Variants in KMT5A observed in about 807,000 individuals in gnomAD.
KMT5A encodes N-lysine methyltransferase KMT5A.
A neutral mutation model predicts 40.6 loss-of-function variants in KMT5A; 6 were observed. The ratio of observed to expected loss-of-function variants is 0.15; its 90% CI spans 0.08 to 0.29. The LOEUF (loss-of-function observed/expected upper bound fraction) is 0.29. Ranked by LOEUF, KMT5A falls within the 10% of genes least tolerant of loss-of-function variation. The probability of loss-of-function intolerance (pLI) is 1.00; values close to 1 mark genes in which losing one functional copy is unlikely to be tolerated. For missense variants in KMT5A, 308 were observed against 459.1 expected, an observed-to-expected ratio of 0.67 and a Z score of 3.01; for synonymous variants, 153 against 178.8, an observed-to-expected ratio of 0.86 and a Z score of 1.15.
At chr12:123,394,912 A>T in intron 3 of KMT5A, 135 bp from the exon 4 acceptor site, 1 of 780,806 alleles carries the variant, frequency 1.3e-6, no homozygotes, top group Non-Finnish European at 2.1e-6. Context: ...CACGGGGCTT[A>T]ACAGGCCAAG....
rs375784702 is a variant in KMT5A at position 123,384,253 on chromosome 12, C to G, written c.10+45C>G. The G allele has an allele frequency of 1.2e-6, 2 of 1,608,578 alleles. No individual in the cohort carries two copies. The highest frequency in any genetic ancestry group is 4.5e-5 in the East Asian group (2 of 44,730). The stretch of plus-strand genomic sequence containing the variant: ...GCACCGGAGCGGCTGGGTCGGGGGT[C>G]GTGCTGGAGGGGTTGCCGGGGTGGA... On this transcript the variant is annotated intron_variant, in intron 1 of 7. Transcript: ENST00000402868. This position sits in a 1 kb window ranked among gnomAD's most constrained non-coding sequence, Gnocchi z 5.7.
At chr12:123,397,201 C>T (rs577589415) in intron 5 of KMT5A, among the ~76,000 whole-genome samples, 8 of 152,368 alleles carry the variant, frequency 5.3e-5, no homozygotes, top group African/African-American at 1.4e-4. Flanking sequence ...TTGAGCTATG[C>T]GGCAGGCAGT....
rs559352696 is a variant in KMT5A at position 123,387,819 on chromosome 12, A to G, written c.11-1614A>G. Among the ~76,000 whole-genome samples, 8 of 152,308 alleles carry G rather than the reference A, an allele frequency of 5.3e-5. No individual in the cohort carries two copies. In the East Asian group the frequency reaches 1.5e-3, roughly 29 times the overall value. ...GTGCTCTGGTGGATTATGGAATTCA[A>G]GGTTCTTGGTTTTTACCCATGAGGA... is the stretch of plus-strand genomic sequence containing the variant. On this transcript the variant is annotated intron_variant, in intron 1 of 7. Coordinates refer to ENST00000402868, the MANE Select transcript of KMT5A (RefSeq NM_020382.7).
intron 1 of KMT5A, among the ~76,000 whole-genome samples, chr12:123,385,510 T>C (rs1876819394): frequency 6.6e-6 from 1 of 152,184 alleles, no homozygotes; most frequent in African/African-American, 2.4e-5. Context: ...TTAATTAATA[T>C]ATGAAGAAAA....
At chr12:123,406,359 G>A (rs1228349834) in intron 7 of KMT5A, among the ~76,000 whole-genome samples, 2 of 151,960 alleles carry the variant, frequency 1.3e-5, no homozygotes, top group Non-Finnish European at 2.9e-5. Flanking sequence ...TTGTTGTCCA[G>A]GCAGGAGTGC....
chr12:123,389,444 T>G lies in KMT5A; in HGVS notation c.22T>G (p.Ser8Ala). 1 of 1,085,030 alleles carries G rather than the reference T, an allele frequency of 9.2e-7. No individual in the cohort carries two copies. The highest frequency in any genetic ancestry group is 1.1e-6 in the Non-Finnish European group (1 of 900,230). 67.2% of individuals were successfully genotyped at this position (1,085,030 alleles called of 1,614,324 possible). The change falls in exon 2 of 8, where the codon TCC (serine) becomes GCC (alanine). Residue 8 changes from serine (S) to alanine (A), a missense_variant. Physicochemically the swap from Ser to Ala is moderately conservative, Grantham distance 99. Around this residue, in one of 4 missense-constraint regions of KMT5A, gnomAD observed 92 missense variants for 78.3 expected, o/e 1.18. Coordinates refer to ENST00000402868, the MANE Select transcript of KMT5A (RefSeq NM_020382.7). Reference sequence around the variant, plus strand: ...GTCCCCTTCTCCAGGCAGGAAGATGTCCAAGCCCCGCGCGGTGGAGGCGGC... The same window carrying G: ...GTCCCCTTCTCCAGGCAGGAAGATGGCCAAGCCCCGCGCGGTGGAGGCGGC... MARGRKM[S>A]KPRAVEAAAA...
intron 5 of KMT5A, among the ~76,000 whole-genome samples, chr12:123,399,897 C>T (rs184099484): frequency 5.3e-4 from 81 of 152,270 alleles, no homozygotes; most frequent in Admixed American, 1.5e-3. Context: ...GATCTTGGCT[C>T]ACTGCAGCCT....
intron 5 of KMT5A, among the ~76,000 whole-genome samples, chr12:123,402,318 G>T (rs1878244618): frequency 6.6e-6 from 1 of 152,252 alleles, no homozygotes; most frequent in African/African-American, 2.4e-5. Flanking sequence ...GGCCGCAGTG[G>T]GAATGGAGAT....
chr12:123,391,005 TC>T (rs1877278349), intron 3 of KMT5A: 2 of 541,012 alleles, frequency 3.7e-6, no homozygotes, highest in East Asian at 6.4e-5. Context: ...AGTTAGCATA[TC>T]CTTCAAGCTT....
chr12:123,399,045 C>T (rs1877953822), intron 5 of KMT5A, among the ~76,000 whole-genome samples: 1 of 152,254 alleles, frequency 6.6e-6, no homozygotes, highest in Non-Finnish European at 1.5e-5. Flanking sequence ...GAGAGATGCC[C>T]TATCCACCAA....
chr12:123,387,514 C>T (rs979444966), intron 1 of KMT5A, among the ~76,000 whole-genome samples: 3 of 152,214 alleles, frequency 2.0e-5, no homozygotes, highest in African/African-American at 4.8e-5. Flanking sequence ...GTGTCACTTT[C>T]GAATCCTCTT....
At chr12:123,389,293 G>A in intron 1 of KMT5A, 140 bp from the exon 2 acceptor site, 1 of 401,736 alleles carries the variant, frequency 2.5e-6, no homozygotes, top group Non-Finnish European at 3.3e-6. Context: ...GGCTGCGCGG[G>A]CGGCTCACCA....
intron 3 of KMT5A, among the ~76,000 whole-genome samples, chr12:123,394,832 C>G (rs1050903115): frequency 2.0e-5 from 3 of 152,142 alleles, no homozygotes; most frequent in Non-Finnish European, 4.4e-5. Context: ...AGCCTAAAAC[C>G]TCTGCCCAGT....
intron 5 of KMT5A, among the ~76,000 whole-genome samples, chr12:123,397,350 G>C (rs1293655243): frequency 6.6e-6 from 1 of 152,250 alleles, no homozygotes; most frequent in Non-Finnish European, 1.5e-5. Context: ...TGACCACCGG[G>C]TTGGGAGAGG....
chr12:123,389,638 C>A, intron 2 of KMT5A, 84 bp downstream of exon 2: 1 of 962,324 alleles, frequency 1.0e-6, no homozygotes, highest in South Asian at 4.8e-5. Flanking sequence ...GGTACCCGCC[C>A]GGGGCGCCCG....
intron 7 of KMT5A, among the ~76,000 whole-genome samples, chr12:123,406,075 T>A (rs2139208501): frequency 6.6e-6 from 1 of 152,182 alleles, no homozygotes; most frequent in South Asian, 2.1e-4. Flanking sequence ...CACCTTGGCC[T>A]CCCAAAGTGC....
intron 6 of KMT5A, 22 bp downstream of exon 6, chr12:123,403,654 T>C (rs1403136381): frequency 6.2e-7 from 1 of 1,614,066 alleles, no homozygotes; most frequent in Non-Finnish European, 8.5e-7. Flanking sequence ...CTGTGCTTGC[T>C]GCATCATAGC....
chr12:123,398,559 C>A (rs556748662), intron 5 of KMT5A, among the ~76,000 whole-genome samples: 1 of 152,238 alleles, frequency 6.6e-6, no homozygotes, highest in South Asian at 2.1e-4. Context: ...AACACACTTG[C>A]TTCCCTAAAG....
At chr12:123,402,399 C>G (rs551038478) in intron 5 of KMT5A, among the ~76,000 whole-genome samples, 1 of 152,234 alleles carries the variant, frequency 6.6e-6, no homozygotes, top group Non-Finnish European at 1.5e-5. Context: ...GCACAGACTG[C>G]AGCGCCTGGC....
Sources: allele counts gnomAD v4.1 joint callset (sites outside exome capture counted in the v4.1 genomes callset), GRCh38; gene constraint gnomAD v4.1.1; regional missense constraint gnomAD v4.1.1; non-coding constraint Gnocchi (gnomAD v3.1); transcripts MANE v1.5; gene names NCBI Gene and HGNC (gene_info 2026-07-23, HGNC 2026-07-21).